The following UBE2J2 variants were observed in gnomAD, a reference collection of about 807,000 sequenced individuals.
UBE2J2 encodes ubiquitin-conjugating enzyme E2 J2.
A neutral mutation model predicts 28.6 loss-of-function variants in UBE2J2; 5 were observed. The observed-to-expected ratio is 0.17, with a 90% CI of 0.09 to 0.37. The LOEUF (loss-of-function observed/expected upper bound fraction) is 0.37, where lower values mean the gene tolerates loss of function less well. Among genes scored for constraint, UBE2J2 ranks in the 10% least tolerant of loss-of-function variants. The pLI, the probability that UBE2J2 is intolerant of heterozygous loss-of-function variation, is 1.00. For synonymous variants in UBE2J2, 138 were observed against 139.7 expected, an observed-to-expected ratio of 0.99 and a Z score of 0.09; for missense variants, 226 against 338.9, an observed-to-expected ratio of 0.67 and a Z score of 2.62.
intron 3 of UBE2J2, chr1:1,262,271 C>A (rs193004007): frequency 2.2e-6 from 1 of 453,978 alleles, no homozygotes; most frequent in Non-Finnish European, 4.4e-6. Context: ...TATCTCACCA[C>A]GGCCTGCTGG....
chr1:1,273,066 G>A (rs1640242248), intron 1 of UBE2J2: 3 of 152,324 alleles, frequency 2.0e-5, no homozygotes, highest in Admixed American at 6.5e-5. Flanking sequence ...GGCAGGCACT[G>A]AAAAGGACGC....
intron 4 of UBE2J2, 32 bp downstream of exon 4, chr1:1,257,176 G>A (rs375860968): frequency 6.2e-7 from 1 of 1,602,094 alleles, no homozygotes; most frequent in Non-Finnish European, 8.5e-7. Context: ...ACCGCAGCCA[G>A]AAAGCCTCCG....
chr1:1,261,419 C>A (rs1034846518), intron 3 of UBE2J2, among the ~76,000 whole-genome samples: 1 of 152,180 alleles, frequency 6.6e-6, no homozygotes, highest in South Asian at 2.1e-4. Flanking sequence ...GGGCTGGCAA[C>A]GGCCGCACCA....
intron 1 of UBE2J2, chr1:1,273,384 G>A (rs1640264333): frequency 6.6e-6 from 1 of 152,186 alleles, no homozygotes; most frequent in African/African-American, 2.4e-5. Context: ...AACCAGGATC[G>A]AGGCTGCCCG....
intron 2 of UBE2J2, among the ~76,000 whole-genome samples, chr1:1,265,269 G>T (rs1202155255): frequency 6.6e-6 from 1 of 152,198 alleles, no homozygotes; most frequent in Non-Finnish European, 1.5e-5. Flanking sequence ...CCTGCCAGGG[G>T]CTCTCGCACT....
At chr1:1,272,214 G>A (rs1001116692) in intron 1 of UBE2J2, among the ~76,000 whole-genome samples, 1 of 151,984 alleles carries the variant, frequency 6.6e-6, no homozygotes, top group African/African-American at 2.4e-5. Flanking sequence ...ATGTGCCTCG[G>A]GTTCCCTTCA....
At chr1:1,266,700 G>A (rs534766880) in intron 2 of UBE2J2, among the ~76,000 whole-genome samples, 21 of 151,842 alleles carry the variant, frequency 1.4e-4, no homozygotes, top group Non-Finnish European at 2.6e-4. Context: ...GGTGGCAGGC[G>A]CCTGTAGTCC....
At chr1:1,255,841 C>T (rs963009171) in intron 6 of UBE2J2, among the ~76,000 whole-genome samples, 1 of 152,246 alleles carries the variant, frequency 6.6e-6, no homozygotes, top group African/African-American at 2.4e-5. Flanking sequence ...ACAGGCCCAG[C>T]CCCCGGCCCA....
chr1:1,258,922 C>T (rs1639372599), intron 3 of UBE2J2, among the ~76,000 whole-genome samples: 1 of 152,238 alleles, frequency 6.6e-6, no homozygotes, highest in African/African-American at 2.4e-5. Context: ...GAGCTTGGGG[C>T]CAACCCCAAC....
At chr1:1,270,800 T>A (rs915306936) in intron 1 of UBE2J2, among the ~76,000 whole-genome samples, 7 of 150,832 alleles carry the variant, frequency 4.6e-5, no homozygotes, top group Admixed American at 4.6e-4. Flanking sequence ...TGCCAGCCCC[T>A]TGACAGAGGC....
rs552077833 is a variant in UBE2J2, at chr1:1,257,121, A to T, written c.285T>A (p.Leu95=). 6.2e-7 allele frequency: 1 copy of T among 1,611,626 alleles called. No homozygotes were observed. Among genetic ancestry groups the T allele is most frequent in the Admixed American group, 1.7e-5 (1 of 59,672 alleles). ...TGTCCGGGTGGAAATCCGTGATAGA[A>T]AGACACAGCCTGCAAAACGGGGGCC... ...GRFKCNTRLC[L]SITDFHPDTW... The change falls in exon 5 of 7, where the codon CTT becomes CTA. Residue 95 remains leucine, a synonymous_variant. Transcript: ENST00000349431.
intron 2 of UBE2J2, chr1:1,266,293 G>A: frequency 2.5e-6 from 2 of 814,786 alleles, no homozygotes; most frequent in Non-Finnish European, 1.6e-6. Flanking sequence ...TCTTTTCTCT[G>A]GAATTAAAAA....
rs60924258 is a variant in UBE2J2, at chr1:1,271,974, CAAAAAAAA to C, written c.-1+1684_-1+1691del. On this transcript the variant is annotated intron_variant, in intron 1 of 6. Transcript: ENST00000349431. The stretch of plus-strand genomic sequence containing the variant: ...GGGCAACAAGAGCGAAACTCCGTCT[CAAAAAAAA>C]AAAAAAAAAAAAAAAAAAAAAATTA... Among the ~76,000 whole-genome samples, 36 of 27,614 alleles carry C rather than the reference CAAAAAAAA, an allele frequency of 1.3e-3. 1 individual carries two copies. The highest frequency in any genetic ancestry group is 5.0e-3 in the South Asian group (2 of 400). The allele number at this position is 27,614 out of a possible 152,430, so 18.1% of individuals were successfully genotyped here. A position where few individuals can be genotyped will look rare whatever the true frequency, so the allele number is the denominator to read the frequency against.
intron 3 of UBE2J2, among the ~76,000 whole-genome samples, chr1:1,261,326 A>G (rs1245511284): frequency 6.6e-6 from 1 of 152,194 alleles, no homozygotes; most frequent in African/African-American, 2.4e-5. Flanking sequence ...GAGACCCAGG[A>G]CCAGCACAGA....
At chr1:1,262,181 T>C (rs1383358712) in intron 3 of UBE2J2, 5 of 373,738 alleles carry the variant, frequency 1.3e-5, no homozygotes, top group East Asian at 7.6e-5. Context: ...CGGTGGTATA[T>C]ATTCTTCAGA....
At chr1:1,261,107 AAAC>A (rs1196554548) in intron 3 of UBE2J2, among the ~76,000 whole-genome samples, 1 of 152,228 alleles carries the variant, frequency 6.6e-6, no homozygotes, top group East Asian at 1.9e-4. Context: ...AGAGGCTAAG[AAAC>A]TGAGGACTGA....
chr1:1,263,502 G>A, intron 2 of UBE2J2, 116 bp from the exon 3 acceptor site: 1 of 890,388 alleles, frequency 1.1e-6, no homozygotes, highest in Non-Finnish European at 1.9e-6. Flanking sequence ...CATTCAGGCA[G>A]TGAACAAATG....
At chr1:1,258,406 C>T (rs952418896) in intron 3 of UBE2J2, among the ~76,000 whole-genome samples, 1 of 152,162 alleles carries the variant, frequency 6.6e-6, no homozygotes, top group African/African-American at 2.4e-5. Flanking sequence ...CTCCGCCTCT[C>T]CAAAGCCCCA....
intron 1 of UBE2J2, chr1:1,271,512 G>T (rs1246074876): frequency 2.0e-5 from 3 of 152,126 alleles, no homozygotes; most frequent in Non-Finnish European, 4.4e-5. Context: ...TCCCATACCT[G>T]CTTGGAGAGG....
Sources: allele counts gnomAD v4.1 joint callset (sites outside exome capture counted in the v4.1 genomes callset), GRCh38; gene constraint gnomAD v4.1.1; transcripts MANE v1.5; gene names NCBI Gene and HGNC (gene_info 2026-07-23, HGNC 2026-07-21).